GALNT17: variants seen among roughly 807,000 people sequenced by gnomAD.
The protein encoded by GALNT17 is UDP-GalNAc:polypeptide N-acetylgalactosaminyltransferase-like 3.
In GALNT17, 29 loss-of-function variants were observed where a neutral mutation model predicts 63.7. That is an observed-to-expected ratio of 0.46 (90% CI 0.34 to 0.62). The LOEUF (loss-of-function observed/expected upper bound fraction) is 0.62. GALNT17 is among the 20% of genes least tolerant of loss of function. The probability of loss-of-function intolerance (pLI) is 0.01; values close to 1 mark genes in which losing one functional copy is unlikely to be tolerated. For missense variants in GALNT17, 603 were observed against 799.6 expected (o/e 0.75, Z 2.97); for synonymous variants, 305 against 318.3 (o/e 0.96, Z 0.45).
At chr7:71,362,250 G>T (rs989543487) in intron 2 of GALNT17, among the ~76,000 whole-genome samples, 3 of 152,116 alleles carry the variant, frequency 2.0e-5, no homozygotes, top group African/African-American at 4.8e-5. Flanking sequence ...GAGCCACCGC[G>T]CCCGGCTTTG....
intron 1 of GALNT17, among the ~76,000 whole-genome samples, chr7:71,159,386 C>G (rs946588978): frequency 1.3e-5 from 2 of 151,412 alleles, no homozygotes; most frequent in African/African-American, 4.9e-5. Context: ...ATGAATTTTG[C>G]CAGATCTTTT....
intron 1 of GALNT17, among the ~76,000 whole-genome samples, chr7:71,134,713 T>C (rs141927582): frequency 3.3e-5 from 5 of 152,146 alleles, no homozygotes; most frequent in African/African-American, 9.6e-5. Context: ...GGTGGCCTTA[T>C]AATTTGGGAT....
intron 6 of GALNT17, among the ~76,000 whole-genome samples, chr7:71,576,303 C>A (rs1789536138): frequency 6.6e-6 from 1 of 152,136 alleles, no homozygotes; most frequent in African/African-American, 2.4e-5. Flanking sequence ...AGGCAGAATT[C>A]TTGTGTGGAT....
At chr7:71,137,746 G>T (rs1338225431) in intron 1 of GALNT17, among the ~76,000 whole-genome samples, 1 of 152,140 alleles carries the variant, frequency 6.6e-6, no homozygotes, top group African/African-American at 2.4e-5. Flanking sequence ...CGAGGCCCTC[G>T]GAAGTGAGCC....
At chr7:71,616,426 T>C (rs1193183533) in intron 6 of GALNT17, among the ~76,000 whole-genome samples, 4 of 149,368 alleles carry the variant, frequency 2.7e-5, no homozygotes, top group African/African-American at 4.9e-5. Flanking sequence ...CTGGAAATAT[T>C]TTTTTATTAT....
At chr7:71,442,195 TTTTTG>T (rs201492977) in intron 5 of GALNT17, among the ~76,000 whole-genome samples, 2,749 of 151,990 alleles carry the variant, frequency 0.018, 28 homozygotes, top group Admixed American at 0.026. Context: ...AGAAGTGTTT[TTTTTG>T]TTTTGTTTTG....
intron 1 of GALNT17, among the ~76,000 whole-genome samples, chr7:71,271,625 C>T (rs1790590607): frequency 6.6e-6 from 1 of 152,184 alleles, no homozygotes; most frequent in African/African-American, 2.4e-5. Flanking sequence ...TTTGGGTGTA[C>T]AGTTTGATGA....
At position 71,157,889 on chromosome 7, in the gene GALNT17, G is replaced by T. The variant is rs78288669; in HGVS notation, c.238+24849G>T. 8.8e-3 allele frequency among the ~76,000 whole-genome samples: 1,326 copies of T among 151,540 alleles called. 12 individuals carry two copies. Among genetic ancestry groups the T allele is most frequent in the Non-Finnish European group, 0.014 (971 of 67,968 alleles). On this transcript the variant is annotated intron_variant, in intron 1 of 10. Coordinates refer to ENST00000333538, the MANE Select transcript of GALNT17 (RefSeq NM_022479.3). ...GAGACCAGGCAGTATTTGCCTTTTTGTGCTTGGTTGATTTCACTTAAAATA... is the reference window on the plus strand; with the variant it reads ...GAGACCAGGCAGTATTTGCCTTTTTTTGCTTGGTTGATTTCACTTAAAATA...
intron 6 of GALNT17, among the ~76,000 whole-genome samples, chr7:71,643,517 G>A (rs975698944): frequency 6.6e-6 from 1 of 152,094 alleles, no homozygotes; most frequent in Non-Finnish European, 1.5e-5. Context: ...TTACAAAAGG[G>A]AAAAAGGGAT....
intron 1 of GALNT17, among the ~76,000 whole-genome samples, chr7:71,288,587 G>C (rs1790920375): frequency 1.3e-5 from 2 of 152,200 alleles, no homozygotes; most frequent in East Asian, 3.9e-4. Context: ...AGAGGTGTTT[G>C]AACATCCTGA....
At chr7:71,596,994 C>G (rs946621200) in intron 6 of GALNT17, among the ~76,000 whole-genome samples, 1 of 151,990 alleles carries the variant, frequency 6.6e-6, no homozygotes, top group Non-Finnish European at 1.5e-5. Context: ...TTGAGACCAG[C>G]CTGGGCAACA....
intron 5 of GALNT17, among the ~76,000 whole-genome samples, chr7:71,511,397 G>T (rs1006457128): frequency 5.5e-4 from 84 of 152,258 alleles, no homozygotes; most frequent in African/African-American, 1.6e-3. Flanking sequence ...CAACCCTCGT[G>T]GCCCTAGGCA....
At chr7:71,523,780 TAAATAATAAAG>T (rs1328350381) in intron 5 of GALNT17, among the ~76,000 whole-genome samples, 2 of 141,226 alleles carry the variant, frequency 1.4e-5, no homozygotes, top group Non-Finnish European at 3.0e-5. Flanking sequence ...AATAAATAAA[TAAATAATAAAG>T]AAAAGAAAGA....
chr7:71,361,246 G>T lies in GALNT17; in HGVS notation c.422+25513G>T, dbSNP rs566036394. Among the ~76,000 whole-genome samples the T allele has an allele frequency of 2.0e-5, 3 of 152,024 alleles. No individual in the cohort carries two copies. The South Asian group carries it at 6.2e-4, about 32-fold the overall frequency. ...CATGGGCATAAGAAACACCTGGGGG[G>T]GTGTCAATTGAAATACAAAATAAAT... On this transcript the variant is annotated intron_variant, in intron 2 of 10. Transcript: ENST00000333538.
In GALNT17 at chr7:71,592,557, AG is replaced by A. The variant is rs1207368606; in HGVS notation, c.1080+21156del. Among the ~76,000 whole-genome samples the A allele has an allele frequency of 2.1e-3, 292 of 136,152 alleles. 5 individuals carry two copies. Among genetic ancestry groups the A allele is most frequent in the Middle Eastern group, 0.012 (3 of 254 alleles). 89.3% of individuals were successfully genotyped at this position (136,152 alleles called of 152,430 possible). Reference sequence around the variant, plus strand: ...AAAATAAAATAAAATAGCATAGCATAGCATACTAAAATAAAATAAAATAAAA... The same window carrying A: ...AAAATAAAATAAAATAGCATAGCATACATACTAAAATAAAATAAAATAAAA... On this transcript the variant is annotated intron_variant, in intron 6 of 10. Transcript: ENST00000333538.
intron 6 of GALNT17, among the ~76,000 whole-genome samples, chr7:71,659,209 C>T (rs11765732): frequency 0.32 from 48,164 of 152,196 alleles, 8,304 homozygotes; most frequent in Non-Finnish European, 0.38. Flanking sequence ...CCATTTTCTA[C>T]GTTCCAGCCA....
chr7:71,266,337 A>C (rs965691693), intron 1 of GALNT17, among the ~76,000 whole-genome samples: 1 of 152,134 alleles, frequency 6.6e-6, no homozygotes, highest in Admixed American at 6.5e-5. Flanking sequence ...TGACTGAATC[A>C]TGGGAGCGGA....
chr7:71,621,221 T>C (rs1790284056), intron 6 of GALNT17, among the ~76,000 whole-genome samples: 1 of 152,126 alleles, frequency 6.6e-6, no homozygotes, highest in African/African-American at 2.4e-5. Context: ...CTTTTTTTTT[T>C]CTCCCTTGCC....
intron 5 of GALNT17, among the ~76,000 whole-genome samples, chr7:71,481,328 G>A (rs570280321): frequency 3.9e-5 from 6 of 152,270 alleles, no homozygotes; most frequent in African/African-American, 1.2e-4. Flanking sequence ...GTGCACATGT[G>A]TAATCCCAAC....
Sources: gnomAD v4.1 joint callset for allele counts (sites outside exome capture counted in the v4.1 genomes callset) on GRCh38, gnomAD v4.1.1 for gene constraint, MANE v1.5 for transcripts, NCBI Gene and HGNC (gene_info 2026-07-23, HGNC 2026-07-21) for gene names.